FMN1: variants seen among roughly 807,000 people sequenced by gnomAD.
FMN1 encodes formin 1.
FMN1 carries 110 observed loss-of-function variants against 132.4 expected under a neutral mutation model. The ratio of observed to expected loss-of-function variants is 0.83; its 90% confidence interval spans 0.71 to 0.97. FMN1 has a LOEUF of 0.97. FMN1 is among the 50% of genes least tolerant of loss of function. The pLI is 0.00. For synonymous variants in FMN1, 722 were observed against 651.7 expected, an observed-to-expected ratio of 1.11 and a Z score of -1.64; for missense variants, 1,792 against 1,705.3, an observed-to-expected ratio of 1.05 and a Z score of -0.90.
intron 5 of FMN1, among the ~76,000 whole-genome samples, chr15:33,079,563 G>C (rs1264709059): frequency 6.6e-6 from 1 of 152,202 alleles, no homozygotes; most frequent in Non-Finnish European, 1.5e-5. Context: ...GCAGAGGTTG[G>C]AGTGAGCTGA....
Position 32,962,777 on chromosome 15 carries a change from T to G in FMN1, c.3138+1330A>C, listed in dbSNP as rs1159878056. Among the ~76,000 whole-genome samples the G allele has an allele frequency of 2.6e-5, 4 of 151,244 alleles. No individual in the cohort carries two copies. In the East Asian group the frequency reaches 7.7e-4, roughly 29 times the overall value. On this transcript the variant is annotated intron_variant, in intron 9 of 20. Transcript: ENST00000616417. The stretch of plus-strand genomic sequence containing the variant: ...TCACTGGCCATCAGAGAAATGCAAA[T>G]CAAAACCACAATGAGATACCATCTC...
intron 7 of FMN1, 137 bp from the exon 8 acceptor site, chr15:32,969,614 T>A: frequency 9.5e-7 from 1 of 1,052,092 alleles, no homozygotes; most frequent in Non-Finnish European, 1.3e-6. Context: ...AGACATTCTT[T>A]TAAGAATCCA....
chr15:32,819,449 A>G (rs1346468726), intron 17 of FMN1, among the ~76,000 whole-genome samples: 1 of 152,198 alleles, frequency 6.6e-6, no homozygotes, highest in Non-Finnish European at 1.5e-5. Context: ...ATGGCTGGTC[A>G]CTAACTTTAT....
chr15:33,057,616 T>C (rs1390234441), intron 6 of FMN1, among the ~76,000 whole-genome samples: 1 of 152,184 alleles, frequency 6.6e-6, no homozygotes, highest in African/African-American at 2.4e-5. Flanking sequence ...CTCAAACCCA[T>C]GAACCCCTGC....
chr15:33,015,169 T>C (rs1392486346), intron 6 of FMN1, among the ~76,000 whole-genome samples: 2 of 152,212 alleles, frequency 1.3e-5, no homozygotes, highest in African/African-American at 4.8e-5. Context: ...TTTTCGTTCT[T>C]GCCGTTCTTT....
intron 5 of FMN1, among the ~76,000 whole-genome samples, chr15:33,075,395 T>C (rs17235575): frequency 0.16 from 23,812 of 152,022 alleles, 1,956 homozygotes; most frequent in Middle Eastern, 0.22. Flanking sequence ...CTCTGATATA[T>C]GCACTTGGGC....
chr15:33,134,887 A>T (rs1463268554), intron 4 of FMN1, among the ~76,000 whole-genome samples: 1 of 152,216 alleles, frequency 6.6e-6, no homozygotes, highest in Non-Finnish European at 1.5e-5. Context: ...CTGTAATCCC[A>T]GCTACTCAAG....
rs1458463683 is a variant in FMN1, at chr15:33,153,466, T to G, written c.1449A>C (p.Ser483=). The G allele has an allele frequency of 2.6e-6, 4 of 1,536,716 alleles. No individual in the cohort carries two copies. The highest frequency in any genetic ancestry group is 2.4e-5 in the East Asian group (1 of 40,918). The change falls in exon 4 of 21, where the codon TCA becomes TCC. Residue 483 remains serine (S), a synonymous_variant. Coordinates refer to ENST00000616417, the MANE Select transcript of FMN1 (RefSeq NM_001277313.2). ...GCTTCTTCTTATCACCTCTGGGTTG[T>G]GAGGAGTCAGGACCTACTTTGTGGG... ...DLPHKVGPDS[S]QPRGDKKKPS... is the part of the protein sequence containing the mutation.
intron 15 of FMN1, among the ~76,000 whole-genome samples, chr15:32,892,673 A>C (rs891377802): frequency 6.6e-6 from 1 of 152,150 alleles, no homozygotes; most frequent in African/African-American, 2.4e-5. Context: ...ATTCTGCTGT[A>C]AATCCATCTG....
intron 7 of FMN1, among the ~76,000 whole-genome samples, chr15:32,972,974 C>A (rs1396018406): frequency 6.6e-6 from 1 of 152,122 alleles, no homozygotes; most frequent in African/African-American, 2.4e-5. Context: ...TGCTGAATTT[C>A]TTGCTCTCTC....
At chr15:32,899,481 G>GT (rs914095810) in intron 14 of FMN1, among the ~76,000 whole-genome samples, 1 of 152,210 alleles carries the variant, frequency 6.6e-6, no homozygotes, top group Admixed American at 6.5e-5. Context: ...TGGGCTGATT[G>GT]TTTCTAAAGA....
intron 16 of FMN1, 57 bp downstream of exon 16, chr15:32,888,115 A>C: frequency 1.4e-6 from 2 of 1,469,906 alleles, no homozygotes; most frequent in Non-Finnish European, 1.8e-6. Context: ...ATCCTCTTAA[A>C]ACATTTTTTA....
chr15:33,172,781 G>A (rs1965378205), intron 3 of FMN1, among the ~76,000 whole-genome samples: 1 of 152,134 alleles, frequency 6.6e-6, no homozygotes, highest in Non-Finnish European at 1.5e-5. Flanking sequence ...ACACTGAGTA[G>A]AGATTAAAGA....
intron 17 of FMN1, among the ~76,000 whole-genome samples, chr15:32,841,378 A>C (rs957700210): frequency 6.6e-6 from 1 of 152,244 alleles, no homozygotes; most frequent in African/African-American, 2.4e-5. Flanking sequence ...TGGAACATGT[A>C]ATCAAAACTC....
At chr15:32,884,100 A>C (rs899782832) in intron 16 of FMN1, among the ~76,000 whole-genome samples, 1 of 151,316 alleles carries the variant, frequency 6.6e-6, no homozygotes, top group Non-Finnish European at 1.5e-5. Flanking sequence ...ATCAGAAAGA[A>C]GAGTCCACTC....
intron 4 of FMN1, among the ~76,000 whole-genome samples, chr15:33,147,245 C>G (rs1356582312): frequency 6.6e-6 from 1 of 151,824 alleles, no homozygotes; most frequent in Non-Finnish European, 1.5e-5. Flanking sequence ...TGATATAATA[C>G]TTGTAATCCA....
chr15:32,821,033 AT>A (rs748531649), intron 17 of FMN1, among the ~76,000 whole-genome samples: 2 of 147,370 alleles, frequency 1.4e-5, no homozygotes, highest in Non-Finnish European at 3.0e-5. Flanking sequence ...TTAGATTATT[AT>A]TTGAAATTGT....
At chr15:32,974,411 T>C (rs1209068033) in intron 7 of FMN1, among the ~76,000 whole-genome samples, 1 of 152,234 alleles carries the variant, frequency 6.6e-6, no homozygotes, top group Non-Finnish European at 1.5e-5. Context: ...TCTGTTATAA[T>C]ATATGTCCAT....
At chr15:32,977,436 G>C (rs945939115) in intron 7 of FMN1, among the ~76,000 whole-genome samples, 4 of 152,208 alleles carry the variant, frequency 2.6e-5, no homozygotes, top group Non-Finnish European at 5.9e-5. Context: ...GAATGATTAA[G>C]TAAATAATTG....
Sources: gnomAD v4.1 joint callset for allele counts (sites outside exome capture counted in the v4.1 genomes callset) on GRCh38, gnomAD v4.1.1 for gene constraint, MANE v1.5 for transcripts, NCBI Gene and HGNC (gene_info 2026-07-23, HGNC 2026-07-21) for gene names.